CPNE4: variants seen among roughly 807,000 people sequenced by gnomAD.
CPNE4 encodes copine 4, also known as copine-4.
In CPNE4, 25 loss-of-function variants were observed where a neutral mutation model predicts 67.9. The ratio of observed to expected loss-of-function variants is 0.37; its 90% CI spans 0.27 to 0.51. CPNE4 has a LOEUF of 0.51. Among genes scored for constraint, CPNE4 ranks in the 20% least tolerant of loss-of-function variants. CPNE4 has a pLI of 0.93. For synonymous variants in CPNE4, 242 were observed against 244.9 expected, an observed-to-expected ratio of 0.99 and a Z score of 0.11; for missense variants, 464 against 690.8, an observed-to-expected ratio of 0.67 and a Z score of 3.68.
intron 2 of CPNE4, among the ~76,000 whole-genome samples, chr3:131,761,974 G>A (rs2082901443): frequency 6.6e-6 from 1 of 152,080 alleles, no homozygotes; most frequent in Admixed American, 6.6e-5. Flanking sequence ...CAATCAATTA[G>A]GGAGCAAATG....
In CPNE4 at chr3:131,979,169, C is replaced by T. The variant is rs111267092; in HGVS notation, c.-2+55398G>A. Reference sequence around the variant, plus strand: ...TTGAATGGAATGTGTATTCTGCAGTCGTTGGATGAAATGTTCTGTATATGT... The same window carrying T: ...TTGAATGGAATGTGTATTCTGCAGTTGTTGGATGAAATGTTCTGTATATGT... On this transcript the variant is annotated intron_variant, in intron 1 of 15. Coordinates refer to ENST00000429747, the MANE Select transcript of CPNE4 (RefSeq NM_130808.3). Among the ~76,000 whole-genome samples, 426 of 152,134 alleles carry T rather than the reference C, an allele frequency of 2.8e-3. 4 individuals carry two copies. Among genetic ancestry groups the T allele is most frequent in the African/African-American group, 9.7e-3 (402 of 41,512 alleles).
At chr3:131,909,807 G>T (rs2088908814) in intron 1 of CPNE4, among the ~76,000 whole-genome samples, 1 of 152,050 alleles carries the variant, frequency 6.6e-6, no homozygotes, top group Admixed American at 6.6e-5. Flanking sequence ...TATATCAAGT[G>T]TATGTAGTTC....
intron 2 of CPNE4, among the ~76,000 whole-genome samples, chr3:131,841,438 G>A (rs2085777465): frequency 6.6e-6 from 1 of 152,186 alleles, no homozygotes; most frequent in African/African-American, 2.4e-5. Context: ...CAGAGCAGGA[G>A]GTGAGCAGAG....
chr3:131,909,043 T>G (rs986836603), intron 1 of CPNE4, among the ~76,000 whole-genome samples: 1 of 152,170 alleles, frequency 6.6e-6, no homozygotes, highest in Non-Finnish European at 1.5e-5. Flanking sequence ...TGTCTCACTA[T>G]TAAGACCAAA....
chr3:131,804,021 AAATATCTAGAGTC>A (rs1446013616), intron 2 of CPNE4, among the ~76,000 whole-genome samples: 1 of 152,214 alleles, frequency 6.6e-6, no homozygotes, highest in Non-Finnish European at 1.5e-5. Context: ...GTGTGCCTAT[AAATATCTAGAGTC>A]AATTAGTCTC....
At chr3:131,727,396 C>T (rs933848660) in intron 2 of CPNE4, among the ~76,000 whole-genome samples, 4 of 151,854 alleles carry the variant, frequency 2.6e-5, no homozygotes, top group African/African-American at 9.7e-5. Flanking sequence ...AAATCAAGAC[C>T]ATCCTGCCTA....
chr3:131,752,620 T>C (rs1045001384), intron 2 of CPNE4, among the ~76,000 whole-genome samples: 1 of 152,178 alleles, frequency 6.6e-6, no homozygotes, highest in African/African-American at 2.4e-5. Flanking sequence ...TTCAAGGTTT[T>C]TGCCATATTT....
intron 7 of CPNE4, among the ~76,000 whole-genome samples, chr3:131,590,289 G>A (rs1044809794): frequency 1.3e-5 from 2 of 152,122 alleles, no homozygotes; most frequent in African/African-American, 4.8e-5. Flanking sequence ...ACTGAATGGG[G>A]AGCAGGACTG....
chr3:131,888,493 T>G (rs900927533), intron 2 of CPNE4, among the ~76,000 whole-genome samples: 1 of 151,986 alleles, frequency 6.6e-6, no homozygotes, highest in Non-Finnish European at 1.5e-5. Flanking sequence ...AGATAGGGAG[T>G]TGAACATTTC....
intron 2 of CPNE4, among the ~76,000 whole-genome samples, chr3:131,792,648 T>TGTATATATAC (rs2083770271): frequency 3.4e-4 from 13 of 37,810 alleles, no homozygotes; most frequent in African/African-American, 9.3e-4. Flanking sequence ...TGTATATATG[T>TGTATATATAC]ATATATACAC....
At chr3:131,912,580 C>G (rs373911590) in intron 1 of CPNE4, among the ~76,000 whole-genome samples, 1 of 152,060 alleles carries the variant, frequency 6.6e-6, no homozygotes, top group African/African-American at 2.4e-5. Flanking sequence ...AACATCCACT[C>G]GCTCAACCAG....
intron 7 of CPNE4, among the ~76,000 whole-genome samples, chr3:131,663,242 A>T (rs1582982012): frequency 1.3e-5 from 2 of 152,156 alleles, no homozygotes; most frequent in Admixed American, 1.3e-4. Flanking sequence ...GTTCTCACTC[A>T]TAAGTCGGAG....
intron 11 of CPNE4, among the ~76,000 whole-genome samples, chr3:131,560,483 C>A (rs1188781528): frequency 6.6e-6 from 1 of 152,018 alleles, no homozygotes; most frequent in East Asian, 1.9e-4. Context: ...ATTATCATCC[C>A]CAGGACTCCC....
At chr3:131,557,122 C>G (rs907883866) in intron 11 of CPNE4, among the ~76,000 whole-genome samples, 2 of 152,118 alleles carry the variant, frequency 1.3e-5, no homozygotes, top group African/African-American at 2.4e-5. Context: ...ATCTGGCCCC[C>G]TGCCTAGACA....
intron 7 of CPNE4, among the ~76,000 whole-genome samples, chr3:131,641,218 G>A (rs1381489198): frequency 6.6e-6 from 1 of 152,020 alleles, no homozygotes; most frequent in African/African-American, 2.4e-5. Context: ...ATAACCAGCA[G>A]AGTTACAAGC....
At chr3:131,639,807 C>G (rs1477075290) in intron 7 of CPNE4, among the ~76,000 whole-genome samples, 1 of 152,066 alleles carries the variant, frequency 6.6e-6, no homozygotes, top group East Asian at 1.9e-4. Context: ...AAAGATAATT[C>G]ACCATTATCA....
intron 1 of CPNE4, among the ~76,000 whole-genome samples, chr3:132,020,751 G>A (rs961447196): frequency 6.6e-6 from 1 of 152,100 alleles, no homozygotes; most frequent in Admixed American, 6.5e-5. Flanking sequence ...CTATGATTTT[G>A]GTACATGAGT....
At chr3:131,792,670 TACATATATACACAC>T (rs2083779637) in intron 2 of CPNE4, among the ~76,000 whole-genome samples, 7 of 71,752 alleles carry the variant, frequency 9.8e-5, no homozygotes, top group African/African-American at 3.4e-4. Context: ...CGTGTATATA[TACATATATACACAC>T]GTGTATATAT....
chr3:131,723,673 T>G, intron 2 of CPNE4, 48 bp from the exon 3 acceptor site: 2 of 1,514,700 alleles, frequency 1.3e-6, no homozygotes, highest in East Asian at 2.3e-5. Flanking sequence ...TTATTTTTAT[T>G]ATTACCGTTC....
Sources: gnomAD v4.1 joint callset for allele counts (sites outside exome capture counted in the v4.1 genomes callset) on GRCh38, gnomAD v4.1.1 for gene constraint, MANE v1.5 for transcripts, NCBI Gene and HGNC (gene_info 2026-07-23, HGNC 2026-07-21) for gene names.